Variants in TUSC3 observed in about 807,000 individuals in gnomAD.
TUSC3 encodes dolichyl-diphosphooligosaccharide--protein glycosyltransferase subunit TUSC3.
TUSC3 carries 45 observed loss-of-function variants against 44.8 expected under a neutral mutation model. The observed-to-expected ratio is 1.00, with a 90% CI of 0.79 to 1.29. The LOEUF (loss-of-function observed/expected upper bound fraction) is 1.29. Ranked by LOEUF, TUSC3 falls within the 50% of genes most tolerant of loss-of-function variation. TUSC3 has a pLI of 0.00. For synonymous variants in TUSC3, 212 were observed against 152.9 expected (o/e 1.39, Z -2.85); for missense variants, 519 against 437.9 (o/e 1.19, Z -1.65).
intron 1 of TUSC3, among the ~76,000 whole-genome samples, chr8:15,609,439 C>G (rs1257716298): frequency 2.6e-5 from 4 of 152,102 alleles, no homozygotes; most frequent in African/African-American, 7.2e-5. Flanking sequence ...TTCTTCTAAG[C>G]TTTTAACAGC....
chr8:15,827,877 T>C, the TUSC3 span, among the ~76,000 whole-genome samples: 2 of 152,228 alleles, frequency 1.3e-5, no homozygotes, highest in South Asian at 4.1e-4. Flanking sequence ...AGGGTGAATA[T>C]ATGCAGGACC....
intron 2 of TUSC3, among the ~76,000 whole-genome samples, chr8:15,484,393 G>A (rs900469402): frequency 2.0e-5 from 3 of 152,054 alleles, no homozygotes; most frequent in Admixed American, 2.0e-4. Context: ...TGCTCATTTC[G>A]ATTTATGGTT....
rs115929700 is a variant in TUSC3, at chr8:15,435,382, A to G, written n.91+18077A>G. On this transcript the variant is annotated intron_variant and non_coding_transcript_variant, in intron 1 of 5. Coordinates refer to the TUSC3 transcript ENST00000503191. ...ACACTTCTCAAAACTCATTCCTTAT[A>G]TATTAATGGAAAGGGCTTGAAAATT... is the stretch of plus-strand genomic sequence containing the variant. Among the ~76,000 whole-genome samples the G allele has an allele frequency of 7.7e-3, 1,179 of 152,330 alleles. 20 individuals are homozygous for G. The highest frequency in any genetic ancestry group is 0.027 in the African/African-American group (1,117 of 41,576).
intron 9 of TUSC3, among the ~76,000 whole-genome samples, chr8:15,753,979 A>C (rs1181882566): frequency 6.6e-6 from 1 of 152,124 alleles, no homozygotes; most frequent in Non-Finnish European, 1.5e-5. Flanking sequence ...TAAAGAAGAG[A>C]AAGACCTTTT....
At chr8:15,464,464 A>C (rs1800389265) in intron 1 of TUSC3, among the ~76,000 whole-genome samples, 1 of 152,218 alleles carries the variant, frequency 6.6e-6, no homozygotes, top group Non-Finnish European at 1.5e-5. Context: ...AATAGGAAAC[A>C]GTGCAGAGAA....
At chr8:15,464,131 T>A (rs1800384247) in intron 1 of TUSC3, among the ~76,000 whole-genome samples, 1 of 152,186 alleles carries the variant, frequency 6.6e-6, no homozygotes, top group Non-Finnish European at 1.5e-5. Context: ...CAAAATGGTT[T>A]ACTGGTTACC....
the TUSC3 span, among the ~76,000 whole-genome samples, chr8:15,840,502 A>G: frequency 6.6e-6 from 1 of 152,208 alleles, no homozygotes; most frequent in African/African-American, 2.4e-5. Context: ...AAGAGCCTAG[A>G]AAGTTCAAAG....
chr8:15,608,876 A>C (rs537882650), intron 1 of TUSC3, among the ~76,000 whole-genome samples: 1 of 152,210 alleles, frequency 6.6e-6, no homozygotes, highest in South Asian at 2.1e-4. Flanking sequence ...ACTGACTAAT[A>C]CATATACCTT....
At chr8:15,731,929 G>T (rs1015070940) in intron 7 of TUSC3, among the ~76,000 whole-genome samples, 1 of 152,122 alleles carries the variant, frequency 6.6e-6, no homozygotes, top group Non-Finnish European at 1.5e-5. Context: ...AGTGATTACG[G>T]TATGGTGGGG....
chr8:15,434,530 C>CTTTTTTTT (rs59579003), intron 1 of TUSC3, among the ~76,000 whole-genome samples: 8 of 135,678 alleles, frequency 5.9e-5, no homozygotes, highest in Admixed American at 1.5e-4. Flanking sequence ...AAAGCCATTC[C>CTTTTTTTT]TTTTTTTTTT....
At chr8:15,824,258 G>C in the TUSC3 span, among the ~76,000 whole-genome samples, 1 of 152,114 alleles carries the variant, frequency 6.6e-6, no homozygotes, top group Non-Finnish European at 1.5e-5. Context: ...TCACTCCACA[G>C]TCTTCCCAGT....
At chr8:15,662,404 T>A (rs1332543786) in intron 5 of TUSC3, 108 bp downstream of exon 5, 27 of 1,472,524 alleles carry the variant, frequency 1.8e-5, no homozygotes, top group Non-Finnish European at 2.4e-5. Flanking sequence ...AACTTAAGTC[T>A]GAATGAGAAG....
intron 1 of TUSC3, among the ~76,000 whole-genome samples, chr8:15,571,645 G>C (rs1485858412): frequency 1.3e-5 from 2 of 152,082 alleles, no homozygotes; most frequent in East Asian, 3.9e-4. Flanking sequence ...AATTAAGTTG[G>C]CCACATTGAT....
In TUSC3 at chr8:15,738,827, C is replaced by CTTTTTTTTTTCTTTCTTTTTTTTTTTTTT. The variant is rs1373248681; in HGVS notation, c.863-4701_863-4700insCTTTCTTTTTTTTTTTTTTTTTTTTTTTT. Among the ~76,000 whole-genome samples, 49 of 87,200 alleles carry CTTTTTTTTTTCTTTCTTTTTTTTTTTTTT rather than the reference C, an allele frequency of 5.6e-4. 8 individuals are homozygous for CTTTTTTTTTTCTTTCTTTTTTTTTTTTTT. The highest frequency in any genetic ancestry group is 2.2e-3 in the East Asian group (6 of 2,678). 57.2% of individuals were successfully genotyped at this position (87,200 alleles called of 152,430 possible). A position where few individuals can be genotyped will look rare whatever the true frequency, so the allele number is the denominator to read the frequency against. The stretch of plus-strand genomic sequence containing the variant: ...ACAAAATTACTATTAATATATCTTG[C>CTTTTTTTTTTCTTTCTTTTTTTTTTTTTT]TTTTTTTTTTTTTTTTTTTTTTTGA... On this transcript the variant is annotated intron_variant, in intron 7 of 10. Coordinates refer to ENST00000503731, the MANE Select transcript of TUSC3 (RefSeq NM_006765.4).
chr8:15,619,963 G>A (rs1805170714), intron 1 of TUSC3, among the ~76,000 whole-genome samples: 1 of 152,206 alleles, frequency 6.6e-6, no homozygotes, highest in Non-Finnish European at 1.5e-5. Context: ...GTGCAAGGCT[G>A]AGGCATGAGA....
chr8:15,455,845 T>C lies in TUSC3; in HGVS notation n.92-27541T>C, dbSNP rs188472196. On this transcript the variant is annotated intron_variant and non_coding_transcript_variant, in intron 1 of 5. Coordinates refer to the TUSC3 transcript ENST00000503191. ...AACTCAGCCATTTTCATAAAGCTAA[T>C]GAGAGACCACCAGGCTAGGAGGATA... Among the ~76,000 whole-genome samples the C allele has an allele frequency of 1.5e-4, 23 of 152,304 alleles. 1 individual carries two copies. The highest frequency in any genetic ancestry group is 5.3e-4 in the African/African-American group (22 of 41,580).
chr8:15,742,890 A>G (rs1409085626), intron 7 of TUSC3, among the ~76,000 whole-genome samples: 1 of 152,250 alleles, frequency 6.6e-6, no homozygotes, highest in Non-Finnish European at 1.5e-5. Context: ...GCATTATTCA[A>G]CATAGCATGA....
chr8:15,675,331 C>G (rs751903562), intron 6 of TUSC3, among the ~76,000 whole-genome samples: 1 of 151,562 alleles, frequency 6.6e-6, no homozygotes, highest in Non-Finnish European at 1.5e-5. Context: ...TAAGGCATTG[C>G]TTTTCATTAT....
chr8:15,606,186 T>G (rs1223011410), intron 1 of TUSC3, among the ~76,000 whole-genome samples: 1 of 152,080 alleles, frequency 6.6e-6, no homozygotes, highest in Admixed American at 6.6e-5. Flanking sequence ...GATCTGTACC[T>G]GTGGTTGCTC....
Sources: gnomAD v4.1 joint callset for allele counts (sites outside exome capture counted in the v4.1 genomes callset) on GRCh38, gnomAD v4.1.1 for gene constraint, MANE v1.5 for transcripts, NCBI Gene and HGNC (gene_info 2026-07-23, HGNC 2026-07-21) for gene names.